The following FAM167A variants were observed in gnomAD, a reference collection of about 807,000 sequenced individuals.
FAM167A encodes protein FAM167A.
A neutral mutation model predicts 14.9 loss-of-function variants in FAM167A; 23 were observed. The ratio of observed to expected loss-of-function variants is 1.55; its 90% confidence interval spans 1.11 to 2.19. The LOEUF (loss-of-function observed/expected upper bound fraction) is 2.19. Ranked by LOEUF, FAM167A falls within the 30% of genes most tolerant of loss-of-function variation. The pLI is 0.00. For missense variants in FAM167A, 401 were observed against 281.5 expected (o/e 1.42, Z -3.04); for synonymous variants, 174 against 117.7 (o/e 1.48, Z -3.10).
chr8:11,470,260 G>A (rs1361787923), upstream of FAM167A, among the ~76,000 whole-genome samples: 1 of 152,128 alleles, frequency 6.6e-6, no homozygotes, highest in Non-Finnish European at 1.5e-5. Flanking sequence ...CTAATAAGGT[G>A]GTTTTCTAGC....
chr8:11,462,016 A>G (rs1261910438), intron 1 of FAM167A, among the ~76,000 whole-genome samples: 1 of 152,226 alleles, frequency 6.6e-6, no homozygotes, highest in Non-Finnish European at 1.5e-5. Context: ...TGCCCAGTGC[A>G]GCCTGTAAGT....
At chr8:11,456,198 TGGTTGCCTTGCTGTGTGAGTGTGA>T (rs1807282879) in intron 1 of FAM167A, among the ~76,000 whole-genome samples, 9 of 608 alleles carry the variant, frequency 0.015, no homozygotes, top group East Asian at 0.12. Flanking sequence ...ATGTGGGGGG[TGGTTGCCTTGCTGTGTGAGTGTGA>T]GTGAGTGTGG....
Position 11,446,891 on chromosome 8 carries a change from G to A in FAM167A, c.-397-2083C>T, listed in dbSNP as rs185162609. On this transcript the variant is annotated intron_variant, in intron 1 of 2. Transcript: ENST00000284486. ...ATGTCTGGGGCAGCTGCACCTACAG[G>A]GCTTCCTTCTCCCTGGCAGGGGAGC... 3.3e-5 allele frequency among the ~76,000 whole-genome samples: 5 copies of A among 152,306 alleles called. No homozygotes were observed. The East Asian group carries it at 9.7e-4, about 29-fold the overall frequency.
At chr8:11,453,773 C>G (rs1807119834) in intron 1 of FAM167A, among the ~76,000 whole-genome samples, 2 of 152,152 alleles carry the variant, frequency 1.3e-5, no homozygotes, top group Non-Finnish European at 2.9e-5. Context: ...ACGCTGGCCA[C>G]TCCACAGCAG....
chr8:11,454,837 C>G (rs553962339), intron 1 of FAM167A, among the ~76,000 whole-genome samples: 1 of 152,288 alleles, frequency 6.6e-6, no homozygotes, highest in African/African-American at 2.4e-5. Context: ...CTGGGCTCAG[C>G]ACTGACCAGG....
At chr8:11,439,069 G>A (rs930283286) in intron 2 of FAM167A, among the ~76,000 whole-genome samples, 17 of 152,238 alleles carry the variant, frequency 1.1e-4, no homozygotes, top group African/African-American at 4.1e-4. Context: ...CCAGAACAAA[G>A]AGATCTGGAT....
intron 2 of FAM167A, among the ~76,000 whole-genome samples, chr8:11,443,417 C>G (rs532721575): frequency 1.3e-5 from 2 of 152,228 alleles, no homozygotes; most frequent in African/African-American, 2.4e-5. Flanking sequence ...TCTGAGCCAA[C>G]TCCTCCTCTG....
chr8:11,453,665 C>G (rs1486374645), intron 1 of FAM167A, among the ~76,000 whole-genome samples: 3 of 152,094 alleles, frequency 2.0e-5, no homozygotes, highest in Admixed American at 6.5e-5. Flanking sequence ...GTGACCCTCC[C>G]CATGGTCTAC....
At chr8:11,456,784 G>C (rs995113813) in intron 1 of FAM167A, among the ~76,000 whole-genome samples, 1 of 149,664 alleles carries the variant, frequency 6.7e-6, no homozygotes, top group Admixed American at 6.7e-5. Flanking sequence ...AGGGGAGTGC[G>C]GCTGGCTAAG....
At chr8:11,450,110 G>A (rs1427996592) in intron 1 of FAM167A, among the ~76,000 whole-genome samples, 1 of 152,112 alleles carries the variant, frequency 6.6e-6, no homozygotes, top group Non-Finnish European at 1.5e-5. Context: ...TGTCCCGCCG[G>A]ACACCATGCT....
At chr8:11,445,691 A>G (rs1806744821) in intron 1 of FAM167A, 1 of 870,458 alleles carries the variant, frequency 1.1e-6, no homozygotes, top group Non-Finnish European at 1.4e-6. Flanking sequence ...AACTCCCAGT[A>G]AGAAGAGACC....
rs1481057816 is a variant in FAM167A, at chr8:11,423,183, C to G, written c.*1190G>C. On this transcript the variant is annotated 3_prime_UTR_variant, in exon 3 of 3. Coordinates refer to ENST00000284486, the MANE Select transcript of FAM167A (RefSeq NM_053279.3). ...CAGAAACACTCCTTATCTCAGGATT[C>G]TACGGGTCTGGCCGAGGGACCCCTG... 1 of 152,280 alleles carries G rather than the reference C, an allele frequency of 6.6e-6. No homozygotes were observed. The highest frequency in any genetic ancestry group is 2.4e-5 in the African/African-American group (1 of 41,438). 9.4% of individuals were successfully genotyped at this position (152,280 alleles called of 1,614,324 possible).
chr8:11,442,104 G>C (rs974602629), intron 2 of FAM167A, among the ~76,000 whole-genome samples: 7 of 152,164 alleles, frequency 4.6e-5, no homozygotes, highest in African/African-American at 1.7e-4. Flanking sequence ...GACAATTTCT[G>C]CTCTGCTGTT....
chr8:11,454,043 G>A (rs1383837169), intron 1 of FAM167A, among the ~76,000 whole-genome samples: 1 of 152,216 alleles, frequency 6.6e-6, no homozygotes, highest in Non-Finnish European at 1.5e-5. Flanking sequence ...AGGTATAACT[G>A]GGTTCTCCCA....
intron 1 of FAM167A, among the ~76,000 whole-genome samples, chr8:11,452,367 G>A (rs1807061761): frequency 1.3e-5 from 2 of 152,256 alleles, no homozygotes; most frequent in Non-Finnish European, 2.9e-5. Context: ...AGCCCAGCTG[G>A]GCTACAGCCG....
rs1307190546 is a variant in FAM167A at position 11,444,556 on chromosome 8, G to A, written c.-145C>T. 7 of 1,461,448 alleles carry A rather than the reference G, an allele frequency of 4.8e-6. No homozygotes were observed. The highest frequency in any genetic ancestry group is 2.4e-5 in the East Asian group (1 of 41,484). The allele number at this position is 1,461,448 out of a possible 1,614,324, so 90.5% of individuals were successfully genotyped here. A position where few individuals can be genotyped will look rare whatever the true frequency, so the allele number is the denominator to read the frequency against. The stretch of plus-strand genomic sequence containing the variant: ...TCCGGGACAGGAGCCGGCCTCAGAG[G>A]CTGGGTGGCAGGGGAGCTGAGAGGG... On this transcript the variant is annotated 5_prime_UTR_variant, in exon 2 of 3. Coordinates refer to ENST00000284486, the MANE Select transcript of FAM167A (RefSeq NM_053279.3).
chr8:11,424,309 T>A lies in FAM167A; in HGVS notation c.*64A>T. ...CCCACTGGAGTAACTTGGCCTCAGC[T>A]TCCTCTGACACCCCTCCAGCCCAAG... On this transcript the variant is annotated 3_prime_UTR_variant, in exon 3 of 3. Transcript: ENST00000284486. The A allele has an allele frequency of 1.3e-6, 2 of 1,595,966 alleles. No individual in the cohort carries two copies. Among genetic ancestry groups the A allele is most frequent in the Non-Finnish European group, 1.7e-6 (2 of 1,169,070 alleles).
At chr8:11,471,030 A>T (rs1807945816), upstream of FAM167A, among the ~76,000 whole-genome samples, 1 of 152,170 alleles carries the variant, frequency 6.6e-6, no homozygotes, top group Admixed American at 6.5e-5. Flanking sequence ...GGGGCTAGAC[A>T]TGGGAGTGTG....
At chr8:11,475,186 C>G (rs1797830550) in intron 1 of FAM167A, among the ~76,000 whole-genome samples, 1 of 152,158 alleles carries the variant, frequency 6.6e-6, no homozygotes, top group African/African-American at 2.4e-5. Context: ...GTGCCCCCAC[C>G]TTAGGACAGG....
Sources: allele counts gnomAD v4.1 joint callset (sites outside exome capture counted in the v4.1 genomes callset), GRCh38; gene constraint gnomAD v4.1.1; transcripts MANE v1.5; gene names NCBI Gene and HGNC (gene_info 2026-07-23, HGNC 2026-07-21).